MSI2: variants seen among roughly 807,000 people sequenced by gnomAD.
The protein encoded by MSI2 is RNA-binding protein Musashi homolog 2.
Under a neutral mutation model 45.6 loss-of-function variants are expected in MSI2, and 17 were observed. The ratio of observed to expected loss-of-function variants is 0.37; its 90% CI spans 0.26 to 0.56. The LOEUF is 0.56. Ranked by LOEUF, MSI2 falls within the 20% of genes least tolerant of loss-of-function variation. MSI2 has a pLI of 0.77. For missense variants in MSI2, 293 were observed against 444.2 expected, an observed-to-expected ratio of 0.66 and a Z score of 3.06; for synonymous variants, 156 against 158.2, an observed-to-expected ratio of 0.99 and a Z score of 0.11.
chr17:57,569,603 G>A (rs981130984), intron 7 of MSI2, among the ~76,000 whole-genome samples: 1 of 152,246 alleles, frequency 6.6e-6, no homozygotes, highest in African/African-American at 2.4e-5. Context: ...AGATGTTAGA[G>A]GAAGAAGCAA....
intron 7 of MSI2, among the ~76,000 whole-genome samples, chr17:57,588,637 AG>A (rs573333174): frequency 5.0e-4 from 76 of 152,306 alleles, no homozygotes; most frequent in African/African-American, 1.8e-3. Flanking sequence ...CACATACTTC[AG>A]GGTGCAGGGG....
downstream of MSI2, among the ~76,000 whole-genome samples, chr17:57,687,007 C>CA (rs1249334614): frequency 6.9e-6 from 1 of 145,734 alleles, no homozygotes; most frequent in Non-Finnish European, 1.5e-5. Flanking sequence ...GGCCAGCAGC[C>CA]CCCCCCCCAA....
intron 5 of MSI2, among the ~76,000 whole-genome samples, chr17:57,384,896 A>G (rs1378758755): frequency 6.6e-6 from 1 of 152,170 alleles, no homozygotes; most frequent in Non-Finnish European, 1.5e-5. Context: ...TTCCTCTGCA[A>G]ACCTGCTGCT....
chr17:57,502,993 C>T lies in MSI2; in HGVS notation c.406-26683C>T, dbSNP rs78011737. Among the ~76,000 whole-genome samples the T allele has an allele frequency of 9.3e-3, 1,411 of 152,010 alleles. 65 individuals carry two copies. The South Asian group carries it at 0.12, about 13-fold the overall frequency. On this transcript the variant is annotated intron_variant, in intron 6 of 13. Coordinates refer to ENST00000284073, the MANE Select transcript of MSI2 (RefSeq NM_138962.4). ...TAATTTTTTTTTTCAGTGATTTACT[C>T]CTCTTTGTAATTAGGTGTGGTGATT...
rs1253382179 is a variant in MSI2, at chr17:57,318,942, CAACTT to C, written c.312+56753_312+56757del. Among the ~76,000 whole-genome samples, 7 of 152,330 alleles carry C rather than the reference CAACTT, an allele frequency of 4.6e-5. No individual in the cohort carries two copies. The East Asian group carries it at 1.2e-3, about 25-fold the overall frequency. ...GGCTAGGGAAACATCCTTCTCCACT[CAACTT>C]AATATTGGTGCCTGTGGCTCCAGGG... On this transcript the variant is annotated intron_variant, in intron 5 of 13. Coordinates refer to ENST00000284073, the MANE Select transcript of MSI2 (RefSeq NM_138962.4).
chr17:57,529,648 C>T lies in MSI2; in HGVS notation c.406-28C>T, dbSNP rs1310164002. On this transcript the variant is annotated intron_variant, in intron 6 of 13. Coordinates refer to ENST00000284073, the MANE Select transcript of MSI2 (RefSeq NM_138962.4). The surrounding 1 kb of genome is among the most constrained non-coding windows in gnomAD (Gnocchi z 5.3). ...GTGTACTTTCTTAAAATTCCTAAGG[C>T]AGCCTGTATTCTATATTTGTTTTGC... is the stretch of plus-strand genomic sequence containing the variant. The T allele has an allele frequency of 8.1e-6, 13 of 1,609,264 alleles. No homozygotes were observed. The highest frequency in any genetic ancestry group is 1.1e-5 in the Non-Finnish European group (13 of 1,177,344).
At chr17:57,572,768 T>C (rs1567908262) in intron 7 of MSI2, among the ~76,000 whole-genome samples, 1 of 152,162 alleles carries the variant, frequency 6.6e-6, no homozygotes, top group Non-Finnish European at 1.5e-5. Flanking sequence ...CCGACCTCCA[T>C]TCGTCAGCAC....
At chr17:57,482,303 T>C (rs2085662973) in intron 6 of MSI2, among the ~76,000 whole-genome samples, 1 of 152,224 alleles carries the variant, frequency 6.6e-6, no homozygotes, top group African/African-American at 2.4e-5. Context: ...CGGCTCACAG[T>C]TGCTTTGGCG....
chr17:57,632,266 GA>G, intron 10 of MSI2: 3 of 1,081,892 alleles, frequency 2.8e-6, no homozygotes, highest in Non-Finnish European at 3.4e-6. Context: ...ACGTGACTTG[GA>G]GCACCCGTGT....
chr17:57,525,138 T>G (rs1320861135), intron 6 of MSI2, among the ~76,000 whole-genome samples: 2 of 152,220 alleles, frequency 1.3e-5, no homozygotes, highest in Non-Finnish European at 2.9e-5. Context: ...TCTCACATAC[T>G]TCTGAGGATA....
chr17:57,695,002 G>A, the MSI2 span, among the ~76,000 whole-genome samples: 4 of 152,152 alleles, frequency 2.6e-5, no homozygotes, highest in South Asian at 2.1e-4. Flanking sequence ...GAAAATCTTC[G>A]GGGAGATAAA....
intron 11 of MSI2, among the ~76,000 whole-genome samples, chr17:57,669,308 G>A (rs1950463571): frequency 6.6e-6 from 1 of 152,198 alleles, no homozygotes; most frequent in African/African-American, 2.4e-5. Flanking sequence ...AGAGTGGCTG[G>A]CTGTTCAGAG....
chr17:57,442,922 G>T (rs969299912), intron 6 of MSI2, among the ~76,000 whole-genome samples: 1 of 152,180 alleles, frequency 6.6e-6, no homozygotes, highest in Non-Finnish European at 1.5e-5. Context: ...GAAGAAAAGC[G>T]CTAATGGGAG....
chr17:57,384,633 A>G (rs956008338), intron 5 of MSI2, among the ~76,000 whole-genome samples: 3 of 152,180 alleles, frequency 2.0e-5, no homozygotes, highest in African/African-American at 7.2e-5. Context: ...TGCAATTGGC[A>G]AAGCAGTTTT....
chr17:57,433,090 G>A (rs1191315565), intron 6 of MSI2, among the ~76,000 whole-genome samples: 17 of 152,252 alleles, frequency 1.1e-4, no homozygotes. Flanking sequence ...ACCATGATCA[G>A]TGCTGCCACC....
chr17:57,425,003 A>T (rs2084465191), intron 6 of MSI2, among the ~76,000 whole-genome samples: 1 of 152,162 alleles, frequency 6.6e-6, no homozygotes, highest in African/African-American at 2.4e-5. Flanking sequence ...GGGCAGGGTT[A>T]GTCATCCGGC....
intron 5 of MSI2, chr17:57,285,717 C>T (rs1909811814): frequency 1.5e-6 from 1 of 678,094 alleles, no homozygotes; most frequent in Admixed American, 3.8e-5. Flanking sequence ...GGAACGTCTC[C>T]CCAAGTAGGT....
intron 5 of MSI2, among the ~76,000 whole-genome samples, chr17:57,392,124 A>G (rs2083805417): frequency 6.6e-6 from 1 of 152,202 alleles, no homozygotes; most frequent in South Asian, 2.1e-4. Flanking sequence ...TGCAGGGATC[A>G]TGATCCTTAA....
intron 5 of MSI2, among the ~76,000 whole-genome samples, chr17:57,303,092 C>T (rs1298303419): frequency 2.0e-5 from 3 of 152,162 alleles, no homozygotes; most frequent in Non-Finnish European, 2.9e-5. Context: ...GATTCCCTGT[C>T]CGGTGTTCAC....
Sources: gnomAD v4.1 joint callset for allele counts (sites outside exome capture counted in the v4.1 genomes callset) on GRCh38, gnomAD v4.1.1 for gene constraint, Gnocchi (gnomAD v3.1) non-coding constraint, MANE v1.5 for transcripts, NCBI Gene and HGNC (gene_info 2026-07-23, HGNC 2026-07-21) for gene names.